TACR2: variants seen among roughly 807,000 people sequenced by gnomAD.
TACR2 encodes the protein tachykinin receptor 2, also known as substance-K receptor.
TACR2 carries 24 observed loss-of-function variants against 28.9 expected under a neutral mutation model. That is an observed-to-expected ratio of 0.83 (90% CI 0.60 to 1.17). The LOEUF is 1.17. Ranked by LOEUF, TACR2 falls within the 50% of genes most tolerant of loss-of-function variation. The pLI is 0.00. For synonymous variants in TACR2, 222 were observed against 212.6 expected, an observed-to-expected ratio of 1.04 and a Z score of -0.38; for missense variants, 487 against 524.4, an observed-to-expected ratio of 0.93 and a Z score of 0.70.
At chr10:69,414,880 TAC>T (rs150956058) in intron 2 of TACR2, 63 bp downstream of exon 2, 36,756 of 1,224,528 alleles carry the variant, frequency 0.03, no homozygotes, top group South Asian at 0.058. Flanking sequence ...CACGCGTGTG[TAC>T]ACACACACAC....
chr10:69,413,341 G>A (rs12246544), intron 2 of TACR2, among the ~76,000 whole-genome samples: 2 of 152,130 alleles, frequency 1.3e-5, no homozygotes, highest in African/African-American at 4.8e-5. Context: ...ACCCCTGCCC[G>A]CCTGTTTTTC....
At chr10:69,414,056 G>A (rs59840358) in intron 2 of TACR2, among the ~76,000 whole-genome samples, 10 of 152,198 alleles carry the variant, frequency 6.6e-5, no homozygotes, top group Admixed American at 4.6e-4. Flanking sequence ...AACCCCAGTC[G>A]GTTCTTTAGC....
intron 3 of TACR2, among the ~76,000 whole-genome samples, chr10:69,408,676 G>C (rs1840527109): frequency 6.6e-6 from 1 of 152,194 alleles, no homozygotes; most frequent in Non-Finnish European, 1.5e-5. Flanking sequence ...ACGCGGTCAG[G>C]CTCTGGCCCC....
rs1275195816 is a variant in TACR2 at position 69,414,968 on chromosome 10, G to C, written c.564C>G (p.Asp188Glu). 2 of 1,612,736 alleles carry C rather than the reference G, an allele frequency of 1.2e-6. No homozygotes were observed. The highest frequency in any genetic ancestry group is 1.7e-5 in the Admixed American group (1 of 59,988). The change falls in exon 2 of 5, where the codon GAC becomes GAG. Residue 188 changes from aspartate to glutamate, a missense_variant. By Grantham distance (45) the Asp-to-Glu change is conservative. Transcript: ENST00000373306. ...ACAGGAGGAGCGTCTTGCCCCCGCTGTCTTCGGGCCAGGCCACCACGCACT... is the reference window on the plus strand; with the variant it reads ...ACAGGAGGAGCGTCTTGCCCCCGCTCTCTTCGGGCCAGGCCACCACGCACT... ...ATKCVVAWPE[D>E]SGGKTLLLYH...
At chr10:69,415,548 G>A (rs963930829) in intron 1 of TACR2, among the ~76,000 whole-genome samples, 3 of 151,342 alleles carry the variant, frequency 2.0e-5, no homozygotes, top group African/African-American at 7.4e-5. Flanking sequence ...TTTTCCCCTC[G>A]TGTAATCTAT....
Position 69,415,982 on chromosome 10 carries a change from G to A in TACR2, c.342C>T (p.Ile114=). The change falls in exon 1 of 5, where the codon ATC becomes ATT. Residue 114 remains isoleucine (I), a synonymous_variant. Transcript: ENST00000373306. ...AGTAGATGCTGACAAACATGGCTGT[G>A]ATGGGGAAGAGGTTCTGGAAGTAGC... ...AFCYFQNLFP[I]TAMFVSIYSM... 2 of 1,614,234 alleles carry A rather than the reference G, an allele frequency of 1.2e-6. No individual in the cohort carries two copies. Among genetic ancestry groups the A allele is most frequent in the Non-Finnish European group, 1.7e-6 (2 of 1,180,036 alleles).
At chr10:69,414,244 T>C (rs925532069) in intron 2 of TACR2, among the ~76,000 whole-genome samples, 1 of 152,168 alleles carries the variant, frequency 6.6e-6, no homozygotes, top group African/African-American at 2.4e-5. Context: ...CTCAGCAGCC[T>C]GAAAATGTCC....
In TACR2 at chr10:69,404,968, T is replaced by C. The variant is rs749534737; in HGVS notation, c.1055A>G (p.His352Arg). Residue 352 changes from histidine to arginine, a missense_variant, in exon 5 of 5, where the codon CAC (histidine) becomes CGC (arginine). By Grantham distance (29) the His-to-Arg change is conservative. Coordinates refer to ENST00000373306, the MANE Select transcript of TACR2 (RefSeq NM_001057.3). ...TSLSTRVNRC[H>R]TKETLFMAGD... Reference sequence around the variant, plus strand: ...AGCCATGAACAAAGTCTCCTTAGTGTGACACCTGTTGACTCTCGTGGAGAG... The same window carrying C: ...AGCCATGAACAAAGTCTCCTTAGTGCGACACCTGTTGACTCTCGTGGAGAG... The C allele has an allele frequency of 1.2e-6, 2 of 1,614,116 alleles. No homozygotes were observed. The highest frequency in any genetic ancestry group is 1.7e-5 in the Admixed American group (1 of 60,006).
Position 69,407,110 on chromosome 10 carries a change from G to T in TACR2, c.912C>A (p.Pro304=). Residue 304 remains proline, a synonymous_variant, in exon 4 of 5, where the codon CCC becomes CCA. Coordinates refer to ENST00000373306, the MANE Select transcript of TACR2 (RefSeq NM_001057.3). ...TGTGGTTGAGACAGCAGTAGATGAT[G>T]GGATTGTACATGGTAGAGCTCATGG... ...WLAMSSTMYN[P]IIYCCLNHRF... 1 of 1,613,862 alleles carries T rather than the reference G, an allele frequency of 6.2e-7. No individual in the cohort carries two copies. The highest frequency in any genetic ancestry group is 8.5e-7 in the Non-Finnish European group (1 of 1,179,888).
intron 2 of TACR2, among the ~76,000 whole-genome samples, chr10:69,412,803 G>A (rs1377287898): frequency 6.6e-6 from 1 of 152,196 alleles, no homozygotes; most frequent in East Asian, 1.9e-4. Flanking sequence ...CCATGCAGAA[G>A]GCAGAGGGGA....
Position 69,407,120 on chromosome 10 carries a change from A to G in TACR2, c.902T>C (p.Met301Thr), listed in dbSNP as rs147670585. The change falls in exon 4 of 5, where the codon ATG becomes ACG. Residue 301 changes from methionine to threonine, a missense_variant. Physicochemically the swap from Met to Thr is moderately conservative, Grantham distance 81 (BLOSUM62 -1). Coordinates refer to ENST00000373306, the MANE Select transcript of TACR2 (RefSeq NM_001057.3). ...ACAGCAGTAGATGATGGGATTGTAC[A>G]TGGTAGAGCTCATGGCCAACCAGAA... ...ALFWLAMSSTMYNPIIYCCLN... is the reference protein window; with the variant it reads ...ALFWLAMSSTTYNPIIYCCLN... 4.3e-5 allele frequency: 70 copies of G among 1,613,980 alleles called. No homozygotes were observed. The African/African-American group carries it at 6.0e-4, about 14-fold the overall frequency.
chr10:69,407,627 A>AC (rs1840515515), intron 3 of TACR2, among the ~76,000 whole-genome samples: 1 of 151,798 alleles, frequency 6.6e-6, no homozygotes, highest in African/African-American at 2.4e-5. Context: ...CTCTCTCCTA[A>AC]CCCCATCCCT....
chr10:69,415,274 A>G, intron 1 of TACR2, 135 bp from the exon 2 acceptor site: 2 of 999,588 alleles, frequency 2.0e-6, no homozygotes, highest in Non-Finnish European at 2.9e-6. Flanking sequence ...CTGATATCAT[A>G]GTATCAGCCG....
At chr10:69,409,868 TATATATATATATACATATATAC>T (rs1482993247) in intron 2 of TACR2, among the ~76,000 whole-genome samples, 83 of 23,356 alleles carry the variant, frequency 3.6e-3, no homozygotes, top group African/African-American at 0.02. Context: ...TGTATATGTA[TATATATATATATACATATATAC>T]ATATATATAT....
At chr10:69,406,796 C>T (rs766695090) in intron 4 of TACR2, among the ~76,000 whole-genome samples, 2 of 152,208 alleles carry the variant, frequency 1.3e-5, no homozygotes, top group Non-Finnish European at 2.9e-5. Context: ...CTTCTCTTGC[C>T]CCAGACACAG....
chr10:69,414,985 C>G lies in TACR2; in HGVS notation c.547G>C (p.Val183Leu). The change falls in exon 2 of 5, where the codon GTG becomes CTG. Residue 183 changes from valine (V) to leucine (L), a missense_variant. Coordinates refer to ENST00000373306, the MANE Select transcript of TACR2 (RefSeq NM_001057.3). ...CCCCCGCTGTCTTCGGGCCAGGCCA[C>G]CACGCACTTGGTGGCACCCTGGTCC... is the stretch of plus-strand genomic sequence containing the variant. Reference protein sequence around the residue: ...TMDQGATKCVVAWPEDSGGKT... With the variant: ...TMDQGATKCVLAWPEDSGGKT... 1 of 1,613,684 alleles carries G rather than the reference C, an allele frequency of 6.2e-7. No individual in the cohort carries two copies. Among genetic ancestry groups the G allele is most frequent in the Non-Finnish European group, 8.5e-7 (1 of 1,179,932 alleles).
chr10:69,415,858 G>T, intron 1 of TACR2, 74 bp downstream of exon 1: 1 of 1,534,722 alleles, frequency 6.5e-7, no homozygotes, highest in African/African-American at 1.4e-5. Context: ...TGTAATCACA[G>T]GCATGTCACC....
At position 69,414,967 on chromosome 10, in the gene TACR2, T is replaced by C. The variant is rs141827389; in HGVS notation, c.565A>G (p.Ser189Gly). ...TKCVVAWPED[S>G]GGKTLLLYHL... Reference sequence around the variant, plus strand: ...TACAGGAGGAGCGTCTTGCCCCCGCTGTCTTCGGGCCAGGCCACCACGCAC... The same window carrying C: ...TACAGGAGGAGCGTCTTGCCCCCGCCGTCTTCGGGCCAGGCCACCACGCAC... The change falls in exon 2 of 5, where the codon AGC (serine) becomes GGC (glycine). Residue 189 changes from serine (S) to glycine (G), a missense_variant. By Grantham distance (56) the Ser-to-Gly change is moderately conservative. Transcript: ENST00000373306. 6.8e-6 allele frequency: 11 copies of C among 1,612,640 alleles called. No individual in the cohort carries two copies. The highest frequency in any genetic ancestry group is 9.3e-6 in the Non-Finnish European group (11 of 1,179,218).
chr10:69,409,346 A>C, intron 2 of TACR2: 1 of 327,860 alleles, frequency 3.1e-6, no homozygotes, highest in Non-Finnish European at 5.5e-6. Flanking sequence ...CACGTGTCAA[A>C]AAAAGGAAAA....
Sources: gnomAD v4.1 joint callset for allele counts (sites outside exome capture counted in the v4.1 genomes callset) on GRCh38, gnomAD v4.1.1 for gene constraint, MANE v1.5 for transcripts, NCBI Gene and HGNC (gene_info 2026-07-23, HGNC 2026-07-21) for gene names.